The following EHBP1 variants were observed in gnomAD, a reference collection of about 807,000 sequenced individuals.
The protein encoded by EHBP1 is EH domain-binding protein 1.
Under a neutral mutation model 144.0 loss-of-function variants are expected in EHBP1, and 55 were observed. The observed-to-expected ratio is 0.38, with a 90% CI of 0.31 to 0.48. The LOEUF (loss-of-function observed/expected upper bound fraction) is 0.48, where lower values mean the gene tolerates loss of function less well. Ranked by LOEUF, EHBP1 falls within the 20% of genes least tolerant of loss-of-function variation. The pLI is 0.98. For missense variants in EHBP1, 1,200 were observed against 1,364.2 expected (o/e 0.88, Z 1.90); for synonymous variants, 469 against 472.7 (o/e 0.99, Z 0.10).
intron 10 of EHBP1, among the ~76,000 whole-genome samples, chr2:62,889,807 T>TA (rs910800101): frequency 6.6e-6 from 1 of 152,244 alleles, no homozygotes; most frequent in Admixed American, 6.5e-5. Flanking sequence ...CTGTTTTTTT[T>TA]ATGTCCATTT....
At position 62,990,720 on chromosome 2, in the gene EHBP1, A is replaced by T; in HGVS notation, c.2613A>T (p.Gln871His). Residue 871 changes from glutamine to histidine, a missense_variant, in exon 16 of 23, where the codon CAA (glutamine) becomes CAT (histidine). Gln to His is a conservative substitution (Grantham distance 24). This residue lies in a region of EHBP1 where 543 missense variants were observed against 513.1 expected (regional missense o/e 1.06). Coordinates refer to ENST00000431489, the MANE Select transcript of EHBP1 (RefSeq NM_001142616.3). ...LKERSKASGE[Q>H]NSKLVDLKLK... ...TGGTATTTGCATATTTAACAGAACA[A>T]AACAGTAAGTTGGTGGACTTGAAGC... 1 of 1,613,778 alleles carries T rather than the reference A, an allele frequency of 6.2e-7. No homozygotes were observed. The highest frequency in any genetic ancestry group is 8.5e-7 in the Non-Finnish European group (1 of 1,179,790).
chr2:62,789,406 G>A (rs2043027108), intron 5 of EHBP1, among the ~76,000 whole-genome samples: 1 of 152,130 alleles, frequency 6.6e-6, no homozygotes, highest in Non-Finnish European at 1.5e-5. Context: ...TTAGCTGAGT[G>A]TTTTAAAAAT....
chr2:62,943,970 G>GTAGT, intron 12 of EHBP1, 120 bp downstream of exon 12: 1 of 633,902 alleles, frequency 1.6e-6, no homozygotes, highest in Non-Finnish European at 2.7e-6. Flanking sequence ...ACAGAGGGTT[G>GTAGT]TCTGCTTACT....
In EHBP1 at chr2:62,831,012, G is replaced by A; in HGVS notation, c.495-7G>A. 2 of 1,610,544 alleles carry A rather than the reference G, an allele frequency of 1.2e-6. No homozygotes were observed. Among genetic ancestry groups the A allele is most frequent in the Non-Finnish European group, 1.7e-6 (2 of 1,178,932 alleles). ...ACAATGTGTTATATTTTGAATCATT[G>A]ATGTAGAGATGAAGACATGCAAAGT... On this transcript the variant is annotated splice_region_variant and splice_polypyrimidine_tract_variant and intron_variant, in intron 6 of 22. Transcript: ENST00000431489.
chr2:62,835,690 G>A (rs1287925017), intron 7 of EHBP1, among the ~76,000 whole-genome samples: 1 of 152,232 alleles, frequency 6.6e-6, no homozygotes, highest in African/African-American at 2.4e-5. Context: ...GAAGCGCAAG[G>A]GGTCAGGGAG....
At chr2:62,863,234 G>A (rs1189110239) in intron 8 of EHBP1, among the ~76,000 whole-genome samples, 5 of 151,986 alleles carry the variant, frequency 3.3e-5, no homozygotes, top group South Asian at 2.1e-4. Flanking sequence ...GCAGTGAGCC[G>A]AGATTGCACC....
intron 2 of EHBP1, among the ~76,000 whole-genome samples, chr2:62,739,352 A>G (rs780298220): frequency 4.8e-4 from 72 of 151,462 alleles, no homozygotes; most frequent in Non-Finnish European, 9.1e-4. Flanking sequence ...TGTGAATATG[A>G]TTGTTTGGAC....
intron 2 of EHBP1, among the ~76,000 whole-genome samples, chr2:62,707,966 T>G (rs1417762848): frequency 6.6e-6 from 1 of 152,222 alleles, no homozygotes; most frequent in African/African-American, 2.4e-5. Flanking sequence ...ATATAGGGCT[T>G]TCTTTCCATT....
intron 2 of EHBP1, among the ~76,000 whole-genome samples, chr2:62,739,016 G>A (rs931020956): frequency 3.9e-5 from 6 of 152,132 alleles, no homozygotes; most frequent in African/African-American, 1.2e-4. Flanking sequence ...GCATACACAT[G>A]GACAGGTTGC....
intron 3 of EHBP1, among the ~76,000 whole-genome samples, chr2:62,758,492 G>A (rs2040491926): frequency 6.6e-6 from 1 of 152,056 alleles, no homozygotes; most frequent in Non-Finnish European, 1.5e-5. Context: ...TTTAAGTCAT[G>A]GCTTTTATAA....
At chr2:63,040,875 GAC>G (rs1176021829) in intron 21 of EHBP1, among the ~76,000 whole-genome samples, 2 of 152,124 alleles carry the variant, frequency 1.3e-5, no homozygotes, top group African/African-American at 4.8e-5. Context: ...CCTTAGAGTG[GAC>G]ACACATTCAG....
Position 62,996,553 on chromosome 2 carries a change from C to T in EHBP1, c.2980-90C>T, listed in dbSNP as rs995102407. The T allele has an allele frequency of 2.0e-6, 3 of 1,536,712 alleles. No individual in the cohort carries two copies. In the African/African-American group the frequency reaches 4.1e-5, roughly 21 times the overall value. On this transcript the variant is annotated intron_variant, in intron 18 of 22. Transcript: ENST00000431489. The stretch of plus-strand genomic sequence containing the variant: ...TGATACTAACGGTGTATTTGGTTCT[C>T]TAGGTAAGTGCTTTACTAAGTGTTT...
chr2:62,992,342 A>G (rs2059447907), intron 16 of EHBP1, among the ~76,000 whole-genome samples: 1 of 152,188 alleles, frequency 6.6e-6, no homozygotes, highest in African/African-American at 2.4e-5. Flanking sequence ...TATTAATGAT[A>G]AATTCATTAG....
At chr2:62,680,511 AG>A (rs1363214682) in intron 1 of EHBP1, among the ~76,000 whole-genome samples, 1 of 151,664 alleles carries the variant, frequency 6.6e-6, no homozygotes, top group East Asian at 1.9e-4. Context: ...TGAAGGGGGG[AG>A]GGGGGAAAAG....
chr2:62,775,730 C>T (rs1181835172), intron 5 of EHBP1, among the ~76,000 whole-genome samples: 2 of 152,120 alleles, frequency 1.3e-5, no homozygotes, highest in Non-Finnish European at 2.9e-5. Flanking sequence ...ATCTCATTTG[C>T]TCATTATAAT....
rs751759086 is a variant in EHBP1 at position 62,993,639 on chromosome 2, C to T, written c.2843C>T (p.Ser948Phe). Residue 948 changes from serine (S) to phenylalanine (F), a missense_variant, in exon 17 of 23, where the codon TCT (serine) becomes TTT (phenylalanine). Transcript: ENST00000431489. ...DSTVRKTQLQSFSQYIENRPE... is the reference protein window; with the variant it reads ...DSTVRKTQLQFFSQYIENRPE... ...ACAGTCAGAAAAACTCAACTTCAGT[C>T]TTTCAGCCAATATATTGAGAATAGA... is the stretch of plus-strand genomic sequence containing the variant. 8 of 1,607,606 alleles carry T rather than the reference C, an allele frequency of 5.0e-6. No individual in the cohort carries two copies. In the Admixed American group the frequency reaches 1.3e-4, roughly 27 times the overall value.
chr2:62,978,609 G>A (rs1033239334), intron 14 of EHBP1, among the ~76,000 whole-genome samples: 1 of 152,100 alleles, frequency 6.6e-6, no homozygotes, highest in African/African-American at 2.4e-5. Context: ...TTTGGGGAGA[G>A]GGGGAGTTAC....
intron 2 of EHBP1, among the ~76,000 whole-genome samples, chr2:62,741,080 G>A (rs2038662419): frequency 1.3e-5 from 2 of 152,116 alleles, no homozygotes; most frequent in Non-Finnish European, 2.9e-5. Flanking sequence ...CTTCTGTGTG[G>A]TCACTCAGGG....
chr2:63,033,176 C>T (rs980308812), intron 19 of EHBP1, among the ~76,000 whole-genome samples: 6 of 152,166 alleles, frequency 3.9e-5, no homozygotes, highest in African/African-American at 1.4e-4. Context: ...TCATCTCTTT[C>T]GTCCATTAAA....
Sources: gnomAD v4.1 joint callset for allele counts (sites outside exome capture counted in the v4.1 genomes callset) on GRCh38, gnomAD v4.1.1 for gene constraint, gnomAD v4.1.1 regional missense constraint, MANE v1.5 for transcripts, NCBI Gene and HGNC (gene_info 2026-07-23, HGNC 2026-07-21) for gene names.